FANCD2: variants seen among roughly 807,000 people sequenced by gnomAD.
The protein encoded by FANCD2 is FA complementation group D2.
FANCD2 carries 131 observed loss-of-function variants against 192.3 expected under a neutral mutation model. That is an observed-to-expected ratio of 0.68 (90% confidence interval 0.59 to 0.79). The LOEUF is 0.79. Ranked by LOEUF, FANCD2 falls within the 30% of genes least tolerant of loss-of-function variation. The probability of loss-of-function intolerance (pLI) is 0.00; values close to 1 mark genes in which losing one functional copy is unlikely to be tolerated. For synonymous variants in FANCD2, 524 were observed against 612.5 expected (o/e 0.86, Z 2.13); for missense variants, 1,508 against 1,701.6 (o/e 0.89, Z 2.00).
chr3:10,060,538 T>A, intron 19 of FANCD2, 135 bp downstream of exon 19: 1 of 726,818 alleles, frequency 1.4e-6, no homozygotes. Flanking sequence ...TACTTTTCCA[T>A]GTTCCCTTCT....
intron 30 of FANCD2, among the ~76,000 whole-genome samples, chr3:10,078,499 T>A (rs538889530): frequency 2.6e-5 from 4 of 152,024 alleles, no homozygotes; most frequent in Non-Finnish European, 5.9e-5. Context: ...GGACTACAGG[T>A]GCCTGCCACC....
intron 7 of FANCD2, 105 bp from the exon 8 acceptor site, chr3:10,039,174 G>A (rs1218556338): frequency 1.3e-5 from 10 of 763,270 alleles, no homozygotes; most frequent in South Asian, 1.7e-5. Context: ...GTAGGTGTTC[G>A]GTAAATGTTA....
At chr3:10,056,121 C>G (rs1163173914) in intron 18 of FANCD2, among the ~76,000 whole-genome samples, 1 of 152,170 alleles carries the variant, frequency 6.6e-6, no homozygotes, top group Non-Finnish European at 1.5e-5. Flanking sequence ...TCAGGTGATC[C>G]GCCTGCCTCG....
At chr3:10,066,491 AT>A (rs1261228785) in intron 25 of FANCD2, among the ~76,000 whole-genome samples, 1 of 152,226 alleles carries the variant, frequency 6.6e-6, no homozygotes, top group Admixed American at 6.5e-5. Flanking sequence ...CATTTTACAC[AT>A]ACGAATTTCA....
At chr3:10,044,912 AT>A (rs1270274190) in intron 14 of FANCD2, among the ~76,000 whole-genome samples, 1 of 151,600 alleles carries the variant, frequency 6.6e-6, no homozygotes, top group Non-Finnish European at 1.5e-5. Context: ...TTTTCTTAAC[AT>A]TTTTTCTCCT....
chr3:10,093,238 C>A lies in FANCD2; in HGVS notation c.3850-47C>A, dbSNP rs376114632. ...GCAGCGGGAAAGAGGCTGGAGTGCT[C>A]AAAGGAGCAGATCTCAGCCTTGGTT... On this transcript the variant is annotated intron_variant, in intron 38 of 43. Transcript: ENST00000675286. The A allele has an allele frequency of 1.9e-6, 3 of 1,540,778 alleles. No homozygotes were observed. The African/African-American group carries it at 4.1e-5, about 21-fold the overall frequency.
intron 18 of FANCD2, among the ~76,000 whole-genome samples, chr3:10,058,953 T>C (rs2087487819): frequency 6.6e-6 from 1 of 152,228 alleles, no homozygotes; most frequent in African/African-American, 2.4e-5. Context: ...TTCCAATCCA[T>C]GAAGACAGTA....
intron 32 of FANCD2, among the ~76,000 whole-genome samples, chr3:10,084,168 A>G (rs948139237): frequency 5.3e-5 from 8 of 151,484 alleles, no homozygotes; most frequent in African/African-American, 1.9e-4. Flanking sequence ...TAATTTTTGT[A>G]TTTTTAGTAG....
chr3:10,101,186 A>T lies in FANCD2; in HGVS notation c.4282-2A>T, dbSNP rs1695277609. On this transcript the variant is annotated splice_acceptor_variant, in intron 43 of 43. Coordinates refer to ENST00000675286, the MANE Select transcript of FANCD2 (RefSeq NM_001018115.3). LOFTEE classifies it high-confidence loss of function. Reference sequence around the variant, plus strand: ...CTTATTTATTTATTCTTTGCCCCTTAGGATGGTGAAGAAGACGAAGTAAGT... The same window carrying T: ...CTTATTTATTTATTCTTTGCCCCTTTGGATGGTGAAGAAGACGAAGTAAGT... 6.2e-7 allele frequency: 1 copy of T among 1,610,690 alleles called. No homozygotes were observed. Among genetic ancestry groups the T allele is most frequent in the African/African-American group, 1.3e-5 (1 of 74,818 alleles).
At chr3:10,069,822 C>T (rs1251228776) in intron 26 of FANCD2, among the ~76,000 whole-genome samples, 7 of 152,160 alleles carry the variant, frequency 4.6e-5, no homozygotes, top group Non-Finnish European at 1.0e-4. Flanking sequence ...CAACCTCCAC[C>T]TCCCAGCCAC....
At chr3:10,072,510 C>T (rs1298507811) in intron 26 of FANCD2, among the ~76,000 whole-genome samples, 5 of 152,194 alleles carry the variant, frequency 3.3e-5, no homozygotes, top group Non-Finnish European at 5.9e-5. Context: ...AACTCCTGAC[C>T]TCAGGTGATC....
chr3:10,031,964 G>C (rs1167100846), intron 2 of FANCD2, among the ~76,000 whole-genome samples: 1 of 152,010 alleles, frequency 6.6e-6, no homozygotes, highest in Non-Finnish European at 1.5e-5. Context: ...CTCCTCCTCA[G>C]CCTCCCGAGT....
rs186621666 is a variant in FANCD2 at position 10,045,913 on chromosome 3, A to G, written c.1135-667A>G. 6.6e-5 allele frequency among the ~76,000 whole-genome samples: 10 copies of G among 150,994 alleles called. No individual in the cohort carries two copies. In the East Asian group the frequency reaches 2.0e-3, roughly 30 times the overall value. On this transcript the variant is annotated intron_variant, in intron 14 of 43. Transcript: ENST00000675286. ...CCGTGCCTGGCCTAGTAATTTTCCT[A>G]GTAATACTGAAAATACATACTGTAG...
At chr3:10,032,714 A>G (rs988667512) in intron 2 of FANCD2, 118 bp from the exon 3 acceptor site, 3 of 834,204 alleles carry the variant, frequency 3.6e-6, no homozygotes, top group Non-Finnish European at 6.0e-6. Flanking sequence ...TACAGCATCA[A>G]TCCTAGTATA....
Position 10,036,165 on chromosome 3 carries a change from C to T in FANCD2, c.439-122C>T, listed in dbSNP as rs550526105. Reference sequence around the variant, plus strand: ...GGAGTGGTGCAATCTCGGCTCACTGCAATCTCTGCCTTCCCCAGGTCCAAG... The same window carrying T: ...GGAGTGGTGCAATCTCGGCTCACTGTAATCTCTGCCTTCCCCAGGTCCAAG... On this transcript the variant is annotated intron_variant, in intron 6 of 43. Coordinates refer to ENST00000675286, the MANE Select transcript of FANCD2 (RefSeq NM_001018115.3). 1,151 of 684,078 alleles carry T rather than the reference C, an allele frequency of 1.7e-3. 4 individuals are homozygous for T. Among genetic ancestry groups the T allele is most frequent in the Non-Finnish European group, 2.8e-3 (1,041 of 378,432 alleles). The allele number at this position is 684,078 out of a possible 1,614,324, so 42.4% of individuals were successfully genotyped here.
At chr3:10,088,083 G>C (rs1263429635) in intron 34 of FANCD2, among the ~76,000 whole-genome samples, 1 of 152,150 alleles carries the variant, frequency 6.6e-6, no homozygotes, top group African/African-American at 2.4e-5. Flanking sequence ...GGAAGGTTTG[G>C]TCTCAATCTT....
chr3:10,054,378 CATAT>C (rs777872939), intron 18 of FANCD2, among the ~76,000 whole-genome samples: 1 of 94,702 alleles, frequency 1.1e-5, no homozygotes, highest in African/African-American at 4.9e-5. Context: ...CGTGTATATA[CATAT>C]ATATATGTAT....
chr3:10,071,600 CAT>C (rs1693249006), intron 26 of FANCD2, among the ~76,000 whole-genome samples: 1 of 152,206 alleles, frequency 6.6e-6, no homozygotes, highest in Admixed American at 6.5e-5. Flanking sequence ...CATATTTTCA[CAT>C]ATTTGTGGGA....
At position 10,064,785 on chromosome 3, in the gene FANCD2, A is replaced by T. The variant is rs2087669114; in HGVS notation, c.2078A>T (p.Asp693Val). 1 of 1,614,058 alleles carries T rather than the reference A, an allele frequency of 6.2e-7. No homozygotes were observed. Among genetic ancestry groups the T allele is most frequent in the Non-Finnish European group, 8.5e-7 (1 of 1,179,898 alleles). ...LYGLEEYDTQDGIAINLLPLL... is the reference protein window; with the variant it reads ...LYGLEEYDTQVGIAINLLPLL... ...GGACTGGAAGAATACGACACTCAGG[A>T]TGGGATTGCCATAAACCTCCTGCCG... The change falls in exon 23 of 44, where the codon GAT becomes GTT. Residue 693 changes from aspartate to valine, a missense_variant. By Grantham distance (152) the Asp-to-Val change is radical. Transcript: ENST00000675286.
Sources: allele counts gnomAD v4.1 joint callset (sites outside exome capture counted in the v4.1 genomes callset), GRCh38; gene constraint gnomAD v4.1.1; transcripts MANE v1.5; gene names NCBI Gene and HGNC (gene_info 2026-07-23, HGNC 2026-07-21).